The following THSD4 variants were observed in gnomAD, a reference collection of about 807,000 sequenced individuals.
The protein encoded by THSD4 is thrombospondin type 1 domain containing 4.
Under a neutral mutation model 119.0 loss-of-function variants are expected in THSD4, and 69 were observed. That is an observed-to-expected ratio of 0.58 (90% CI 0.48 to 0.71). THSD4 has a LOEUF of 0.71. Among genes scored for constraint, THSD4 ranks in the 30% least tolerant of loss-of-function variants. The pLI, the probability that THSD4 is intolerant of heterozygous loss-of-function variation, is 0.00. For synonymous variants in THSD4, 524 were observed against 540.4 expected, an observed-to-expected ratio of 0.97 and a Z score of 0.42; for missense variants, 1,393 against 1,391.1, an observed-to-expected ratio of 1.00 and a Z score of -0.02.
intron 7 of THSD4, among the ~76,000 whole-genome samples, chr15:71,478,935 G>A (rs2047686905): frequency 6.6e-6 from 1 of 152,168 alleles, no homozygotes; most frequent in South Asian, 2.1e-4. Flanking sequence ...AAGTGAACAG[G>A]TCTTTAATAT....
At chr15:71,276,641 C>T (rs898528366) in intron 6 of THSD4, among the ~76,000 whole-genome samples, 1 of 152,048 alleles carries the variant, frequency 6.6e-6, no homozygotes, top group Non-Finnish European at 1.5e-5. Flanking sequence ...GCTAGTTGCT[C>T]GAAAATTTGA....
chr15:71,231,623 A>G (rs1191292000), intron 4 of THSD4, among the ~76,000 whole-genome samples: 2 of 152,194 alleles, frequency 1.3e-5, no homozygotes, highest in African/African-American at 4.8e-5. Flanking sequence ...CTAAAGGCTC[A>G]GAGCAAACCT....
chr15:71,362,966 G>A (rs1220644795), intron 6 of THSD4, among the ~76,000 whole-genome samples: 2 of 95,446 alleles, frequency 2.1e-5, no homozygotes, highest in African/African-American at 7.3e-5. Flanking sequence ...GATAGCTGAT[G>A]AGCTAAAAAA....
intron 7 of THSD4, among the ~76,000 whole-genome samples, chr15:71,650,742 C>T (rs1268295848): frequency 6.6e-6 from 1 of 152,206 alleles, no homozygotes; most frequent in Non-Finnish European, 1.5e-5. Context: ...GACTATAAAA[C>T]TTTCGCCCTG....
chr15:71,530,475 G>C (rs1203804675), intron 7 of THSD4, among the ~76,000 whole-genome samples: 1 of 152,198 alleles, frequency 6.6e-6, no homozygotes, highest in Non-Finnish European at 1.5e-5. Flanking sequence ...AGGCCAAGCA[G>C]TGGTTTTTGG....
At chr15:71,466,852 C>A (rs1427738859) in intron 7 of THSD4, among the ~76,000 whole-genome samples, 2 of 152,216 alleles carry the variant, frequency 1.3e-5, no homozygotes, top group Non-Finnish European at 2.9e-5. Context: ...CCCTTTCTAG[C>A]TACACTGGAC....
chr15:71,426,383 G>GTT, intron 7 of THSD4, among the ~76,000 whole-genome samples: 1 of 129,804 alleles, frequency 7.7e-6, no homozygotes, highest in Middle Eastern at 4.2e-3. Flanking sequence ...GTGTGTGTGT[G>GTT]TGTGTGTGTG....
At chr15:71,491,256 A>G (rs2047914450) in intron 7 of THSD4, among the ~76,000 whole-genome samples, 1 of 152,214 alleles carries the variant, frequency 6.6e-6, no homozygotes, top group Non-Finnish European at 1.5e-5. Flanking sequence ...AAAGAAGGGT[A>G]TCTGCTATGG....
At chr15:71,367,858 C>A (rs2045986121) in intron 6 of THSD4, among the ~76,000 whole-genome samples, 1 of 152,224 alleles carries the variant, frequency 6.6e-6, no homozygotes, top group South Asian at 2.1e-4. Flanking sequence ...GGAATCACCA[C>A]ACTGTCTTCC....
chr15:71,334,237 T>C (rs1007907335), intron 6 of THSD4, among the ~76,000 whole-genome samples: 1 of 152,228 alleles, frequency 6.6e-6, no homozygotes, highest in Non-Finnish European at 1.5e-5. Flanking sequence ...TGGATCATTT[T>C]TCTTCATGAT....
At chr15:71,121,835 C>T (rs979798061) in intron 1 of THSD4, among the ~76,000 whole-genome samples, 24 of 151,918 alleles carry the variant, frequency 1.6e-4, no homozygotes, top group African/African-American at 5.6e-4. Context: ...CCCCACTCTG[C>T]CCTGTTTTCT....
chr15:71,326,387 G>A (rs529595934), intron 6 of THSD4, among the ~76,000 whole-genome samples: 128 of 150,112 alleles, frequency 8.5e-4, no homozygotes, highest in African/African-American at 3.0e-3. Flanking sequence ...AACGGTGATA[G>A]TGGTGGTGGC....
At chr15:71,172,729 ATATATGTG>A (rs2043392317) in intron 3 of THSD4, among the ~76,000 whole-genome samples, 1 of 101,512 alleles carries the variant, frequency 9.9e-6, no homozygotes, top group Non-Finnish European at 1.9e-5. Flanking sequence ...ATATATATAT[ATATATGTG>A]GACAATTGAT....
At chr15:71,354,513 A>AT (rs2045783550) in intron 6 of THSD4, among the ~76,000 whole-genome samples, 1 of 152,032 alleles carries the variant, frequency 6.6e-6, no homozygotes, top group African/African-American at 2.4e-5. Context: ...AAAGTATCTC[A>AT]TGACCTAAAA....
chr15:71,471,787 A>C (rs1020936363), intron 7 of THSD4, among the ~76,000 whole-genome samples: 1 of 152,038 alleles, frequency 6.6e-6, no homozygotes, highest in African/African-American at 2.4e-5. Flanking sequence ...GATCATCCAT[A>C]GTGCTCAATC....
rs76123620 is a variant in THSD4 at position 71,134,640 on chromosome 15, A to G, written c.-79-6809A>G. 8.7e-3 allele frequency among the ~76,000 whole-genome samples: 1,332 copies of G among 152,354 alleles called. 7 individuals carry two copies. The highest frequency in any genetic ancestry group is 0.017 in the Middle Eastern group (5 of 294). On this transcript the variant is annotated intron_variant, in intron 1 of 17. Transcript: ENST00000261862. ...TCGGCAGCATGTCTAATGGAAGGGC[A>G]TTTGTAAAGAGGACTGAAAGAGTCT...
chr15:71,199,597 A>G (rs1229968384), intron 3 of THSD4, among the ~76,000 whole-genome samples: 36 of 47,400 alleles, frequency 7.6e-4, no homozygotes, highest in South Asian at 2.3e-3. Flanking sequence ...GGTGTGTGTG[A>G]TGTATGGTGT....
At chr15:71,454,659 A>G (rs943213301) in intron 7 of THSD4, among the ~76,000 whole-genome samples, 3 of 152,260 alleles carry the variant, frequency 2.0e-5, no homozygotes, top group Non-Finnish European at 2.9e-5. Flanking sequence ...ATGTCCCAGG[A>G]AAAGCACAGC....
intron 6 of THSD4, among the ~76,000 whole-genome samples, chr15:71,332,534 A>C (rs1201302013): frequency 6.6e-6 from 1 of 152,208 alleles, no homozygotes; most frequent in Admixed American, 6.5e-5. Flanking sequence ...CCCTTAATTT[A>C]ATCCTTCCCT....
Sources: allele counts gnomAD v4.1 joint callset (sites outside exome capture counted in the v4.1 genomes callset), GRCh38; gene constraint gnomAD v4.1.1; transcripts MANE v1.5; gene names NCBI Gene and HGNC (gene_info 2026-07-23, HGNC 2026-07-21).